RIT2: variants seen among roughly 807,000 people sequenced by gnomAD.
The protein encoded by RIT2 is GTP-binding protein Rit2.
RIT2 carries 24 observed loss-of-function variants against 23.7 expected under a neutral mutation model. The observed-to-expected ratio is 1.01, with a 90% CI of 0.73 to 1.43. The LOEUF (loss-of-function observed/expected upper bound fraction) is 1.43, where lower values mean the gene tolerates loss of function less well. RIT2 is among the 40% of genes most tolerant of loss of function. The pLI, the probability that RIT2 is intolerant of heterozygous loss-of-function variation, is 0.00. For missense variants in RIT2, 236 were observed against 266.9 expected, an observed-to-expected ratio of 0.88 and a Z score of 0.81; for synonymous variants, 107 against 91.1, an observed-to-expected ratio of 1.17 and a Z score of -0.99.
At chr18:43,077,083 A>T (rs1485264543) in intron 1 of RIT2, among the ~76,000 whole-genome samples, 1 of 134,476 alleles carries the variant, frequency 7.4e-6, no homozygotes, top group East Asian at 2.5e-4. Flanking sequence ...AGCCTGGGCG[A>T]CAGAGCGAGA....
chr18:43,005,014 C>T (rs1393847590), intron 2 of RIT2, among the ~76,000 whole-genome samples: 1 of 151,790 alleles, frequency 6.6e-6, no homozygotes, highest in African/African-American at 2.4e-5. Context: ...ACCTCTAAGA[C>T]TTCCTAGCTA....
chr18:42,989,217 A>G (rs1910784055), intron 2 of RIT2, among the ~76,000 whole-genome samples: 1 of 152,148 alleles, frequency 6.6e-6, no homozygotes, highest in African/African-American at 2.4e-5. Context: ...TTGGACAATG[A>G]ATGGGCTACC....
chr18:43,084,579 G>T lies in RIT2; in HGVS notation c.103+30838C>A, dbSNP rs147910532. 4.4e-3 allele frequency among the ~76,000 whole-genome samples: 663 copies of T among 152,260 alleles called. 2 individuals carry two copies. The highest frequency in any genetic ancestry group is 0.015 in the African/African-American group (627 of 41,544). ...CATAAAAAATGAGTTCATGTCCTTT[G>T]CAGGGAGATGGATGAAGCTGGAAAC... On this transcript the variant is annotated intron_variant, in intron 1 of 4. Coordinates refer to ENST00000326695, the MANE Select transcript of RIT2 (RefSeq NM_002930.4).
chr18:42,971,383 T>C (rs374215475), intron 3 of RIT2, among the ~76,000 whole-genome samples: 114 of 152,142 alleles, frequency 7.5e-4, no homozygotes, highest in African/African-American at 2.5e-3. Context: ...TTTATTGATA[T>C]GAACATTTAA....
At chr18:42,800,655 G>A (rs537933321) in intron 4 of RIT2, among the ~76,000 whole-genome samples, 5 of 151,562 alleles carry the variant, frequency 3.3e-5, no homozygotes, top group Non-Finnish European at 5.9e-5. Flanking sequence ...TCAGCCTCCC[G>A]AGTAGCTGGG....
chr18:42,846,785 T>C (rs1906921642), intron 4 of RIT2, among the ~76,000 whole-genome samples: 1 of 152,160 alleles, frequency 6.6e-6, no homozygotes, highest in Non-Finnish European at 1.5e-5. Flanking sequence ...GCTTCAAATT[T>C]ATAAGAAGTA....
intron 2 of RIT2, among the ~76,000 whole-genome samples, chr18:43,030,792 G>A (rs531873961): frequency 6.6e-6 from 1 of 152,218 alleles, no homozygotes; most frequent in African/African-American, 2.4e-5. Flanking sequence ...TTTCTGGTAT[G>A]AGATGCTGGT....
At chr18:42,985,039 G>A (rs1275820027) in intron 2 of RIT2, among the ~76,000 whole-genome samples, 1 of 152,030 alleles carries the variant, frequency 6.6e-6, no homozygotes, top group Non-Finnish European at 1.5e-5. Flanking sequence ...ATTCAAAGAA[G>A]CTATAGAAAA....
chr18:42,794,605 T>C (rs987256593), intron 4 of RIT2, among the ~76,000 whole-genome samples: 1 of 152,230 alleles, frequency 6.6e-6, no homozygotes, highest in Non-Finnish European at 1.5e-5. Context: ...ACACAGTTTA[T>C]ATCTCTGATT....
At chr18:42,958,457 C>T (rs542305805) in intron 3 of RIT2, among the ~76,000 whole-genome samples, 4 of 152,120 alleles carry the variant, frequency 2.6e-5, no homozygotes, top group African/African-American at 7.2e-5. Context: ...CTTCAGGCAG[C>T]CACAAATTAG....
chr18:42,758,233 A>G (rs1054218850), intron 4 of RIT2, among the ~76,000 whole-genome samples: 14 of 152,164 alleles, frequency 9.2e-5, no homozygotes, highest in African/African-American at 3.4e-4. Flanking sequence ...TACAATTTCA[A>G]AATAAAATAC....
chr18:42,852,281 A>T (rs1907074298), intron 4 of RIT2, among the ~76,000 whole-genome samples: 1 of 152,192 alleles, frequency 6.6e-6, no homozygotes, highest in African/African-American at 2.4e-5. Context: ...AAAATCTATG[A>T]TTACAGCTTT....
chr18:43,006,998 T>C (rs1274501611), intron 2 of RIT2, among the ~76,000 whole-genome samples: 1 of 151,518 alleles, frequency 6.6e-6, no homozygotes, highest in Non-Finnish European at 1.5e-5. Context: ...TACTCTTTAT[T>C]AGAGAAAAAC....
intron 3 of RIT2, among the ~76,000 whole-genome samples, chr18:42,957,609 C>G (rs1910002450): frequency 6.6e-6 from 1 of 152,042 alleles, no homozygotes; most frequent in South Asian, 2.1e-4. Flanking sequence ...CTTGGCGAAG[C>G]TCTGTCTCTA....
At chr18:43,013,880 T>C (rs1259805286) in intron 2 of RIT2, among the ~76,000 whole-genome samples, 1 of 151,760 alleles carries the variant, frequency 6.6e-6, no homozygotes, top group Non-Finnish European at 1.5e-5. Context: ...GGTTTCTTTA[T>C]GGTTCCCCAG....
At chr18:42,926,216 C>T (rs559203555) in intron 3 of RIT2, among the ~76,000 whole-genome samples, 2 of 151,960 alleles carry the variant, frequency 1.3e-5, no homozygotes, top group South Asian at 4.1e-4. Context: ...ATAAATGTGA[C>T]CAATTCTCCT....
At position 42,923,767 on chromosome 18, in the gene RIT2, C is replaced by T. The variant is rs776424576; in HGVS notation, c.235-4G>A. 2 of 1,497,142 alleles carry T rather than the reference C, an allele frequency of 1.3e-6. No homozygotes were observed. The highest frequency in any genetic ancestry group is 1.8e-5 in the African/African-American group (1 of 55,506). The allele number at this position is 1,497,142 out of a possible 1,614,324, so 92.7% of individuals were successfully genotyped here. A position where few individuals can be genotyped will look rare whatever the true frequency, so the allele number is the denominator to read the frequency against. On this transcript the variant is annotated splice_region_variant and splice_polypyrimidine_tract_variant and intron_variant, in intron 3 of 4. Coordinates refer to ENST00000326695, the MANE Select transcript of RIT2 (RefSeq NM_002930.4). ...CCCGCATGGCTGTGAATTCTGCCTG[C>T]AGGAAAAAAAAAAAAAAATTAGTTA...
At chr18:42,759,723 ACACAC>A (rs1913253621) in intron 4 of RIT2, among the ~76,000 whole-genome samples, 2 of 102,378 alleles carry the variant, frequency 2.0e-5, no homozygotes, top group Non-Finnish European at 4.5e-5. Flanking sequence ...ACACACACAC[ACACAC>A]ACACACACAC....
intron 2 of RIT2, among the ~76,000 whole-genome samples, chr18:42,985,017 G>A (rs539978125): frequency 6.6e-6 from 1 of 152,040 alleles, no homozygotes; most frequent in South Asian, 2.1e-4. Flanking sequence ...TGTTTGGGCA[G>A]GCATGTAGAA....
Sources: allele counts gnomAD v4.1 joint callset (sites outside exome capture counted in the v4.1 genomes callset), GRCh38; gene constraint gnomAD v4.1.1; transcripts MANE v1.5; gene names NCBI Gene and HGNC (gene_info 2026-07-23, HGNC 2026-07-21).